FCER1A: variants seen among roughly 807,000 people sequenced by gnomAD.
FCER1A encodes Fc epsilon receptor Ia.
In FCER1A, 24 loss-of-function variants were observed where a neutral mutation model predicts 23.6. The ratio of observed to expected loss-of-function variants is 1.02; its 90% CI spans 0.74 to 1.43. The LOEUF is 1.43. Ranked by LOEUF, FCER1A falls within the 40% of genes most tolerant of loss-of-function variation. FCER1A has a pLI of 0.00. For missense variants in FCER1A, 318 were observed against 294.5 expected, an observed-to-expected ratio of 1.08 and a Z score of -0.58; for synonymous variants, 121 against 108.8, an observed-to-expected ratio of 1.11 and a Z score of -0.70.
At chr1:159,307,611 G>A (rs896349320) in intron 4 of FCER1A, 137 bp from the exon 5 acceptor site, 8 of 616,248 alleles carry the variant, frequency 1.3e-5, no homozygotes, top group Middle Eastern at 5.9e-4. Flanking sequence ...TGTTTTCTCT[G>A]TGCTTCTGGA....
intron 1 of FCER1A, among the ~76,000 whole-genome samples, chr1:159,295,496 A>T (rs990852936): frequency 6.6e-6 from 1 of 152,200 alleles, no homozygotes; most frequent in Non-Finnish European, 1.5e-5. Flanking sequence ...TCTAATTAAA[A>T]AACTTACAAA....
chr1:159,296,034 G>A (rs1440833033), intron 1 of FCER1A, among the ~76,000 whole-genome samples: 3 of 152,134 alleles, frequency 2.0e-5, no homozygotes, highest in Non-Finnish European at 4.4e-5. Context: ...CAAATAACAT[G>A]TAATAACAAT....
At chr1:159,307,100 A>C (rs778494243) in intron 4 of FCER1A, among the ~76,000 whole-genome samples, 8 of 152,104 alleles carry the variant, frequency 5.3e-5, no homozygotes, top group Non-Finnish European at 8.8e-5. Flanking sequence ...TGAGATTCTG[A>C]TTTAATTGGT....
chr1:159,290,559 C>T lies in FCER1A; in HGVS notation c.-60+806C>T, dbSNP rs577747138. 2.6e-5 allele frequency among the ~76,000 whole-genome samples: 4 copies of T among 152,210 alleles called. No individual in the cohort carries two copies. The East Asian group carries it at 7.7e-4, about 29-fold the overall frequency. On this transcript the variant is annotated intron_variant, in intron 1 of 5. Coordinates refer to the FCER1A transcript ENST00000368115. ...AGTGCTGGAGCACCTTGTTGAATGCCTTTCTTCCTCATGTTTAAGATCCCT... is the reference window on the plus strand; with the variant it reads ...AGTGCTGGAGCACCTTGTTGAATGCTTTTCTTCCTCATGTTTAAGATCCCT...
In FCER1A at chr1:159,307,858, T is replaced by A. The variant is rs1326423049; in HGVS notation, c.700T>A (p.Leu234Met). 8.1e-6 allele frequency: 13 copies of A among 1,613,652 alleles called. No individual in the cohort carries two copies. The highest frequency in any genetic ancestry group is 1.1e-5 in the Non-Finnish European group (13 of 1,179,732). ...AACTCAGCAGCAGGTCACATTTCTCTTGAAGATTAAGAGAACCAGGAAAGG... is the reference window on the plus strand; with the variant it reads ...AACTCAGCAGCAGGTCACATTTCTCATGAAGATTAAGAGAACCAGGAAAGG... ...ISTQQQVTFLLKIKRTRKGFR... is the reference protein window; with the variant it reads ...ISTQQQVTFLMKIKRTRKGFR... The change falls in exon 5 of 5, where the codon TTG (leucine) becomes ATG (methionine). Residue 234 changes from leucine to methionine, a missense_variant. Coordinates refer to ENST00000693622, the MANE Select transcript of FCER1A (RefSeq NM_001387280.1).
At chr1:159,304,794 A>G (rs1016689918) in intron 3 of FCER1A, among the ~76,000 whole-genome samples, 20 of 152,202 alleles carry the variant, frequency 1.3e-4, no homozygotes, top group African/African-American at 4.8e-4. Flanking sequence ...CATGACATAT[A>G]TGTGAACATT....
chr1:159,305,852 C>T lies in FCER1A; in HGVS notation c.332-136C>T, dbSNP rs1025304069. 5 of 755,214 alleles carry T rather than the reference C, an allele frequency of 6.6e-6. No individual in the cohort carries two copies. The South Asian group carries it at 7.6e-5, about 11-fold the overall frequency. 46.8% of individuals were successfully genotyped at this position (755,214 alleles called of 1,614,324 possible). On this transcript the variant is annotated intron_variant, in intron 3 of 4. Coordinates refer to ENST00000693622, the MANE Select transcript of FCER1A (RefSeq NM_001387280.1). ...CATTATTTTGTGCCCTTTAAAAATC[C>T]ACTTTATGAGCCAAAAAGTGAGTTA...
the FCER1A span, among the ~76,000 whole-genome samples, chr1:159,283,885 T>C: frequency 6.6e-6 from 1 of 152,174 alleles, no homozygotes; most frequent in African/African-American, 2.4e-5. Flanking sequence ...AATTCCTCCA[T>C]GCTACTAAGA....
chr1:159,283,729 G>A, the FCER1A span, among the ~76,000 whole-genome samples: 3 of 152,084 alleles, frequency 2.0e-5, no homozygotes, highest in African/African-American at 7.2e-5. Flanking sequence ...CTGAGGCTTG[G>A]GACATTGGCT....
Position 159,307,943 on chromosome 1 carries a change from C to T in FCER1A, c.*11C>T, listed in dbSNP as rs760662246. The T allele has an allele frequency of 6.4e-7, 1 of 1,568,260 alleles. No individual in the cohort carries two copies. Among genetic ancestry groups the T allele is most frequent in the Non-Finnish European group, 8.7e-7 (1 of 1,149,052 alleles). ...CCCAAAAACAACTGATATAATTACT[C>T]AAGAAATATTTGCAACATTAGTTTT... On this transcript the variant is annotated 3_prime_UTR_variant, in exon 5 of 5. Coordinates refer to ENST00000693622, the MANE Select transcript of FCER1A (RefSeq NM_001387280.1).
intron 1 of FCER1A, among the ~76,000 whole-genome samples, chr1:159,292,942 C>T (rs1164141355): frequency 6.6e-6 from 1 of 151,756 alleles, no homozygotes. Flanking sequence ...ATGTGAATCT[C>T]GGTGCCACCT....
chr1:159,306,340 C>G, intron 4 of FCER1A, 95 bp downstream of exon 4: 2 of 1,172,244 alleles, frequency 1.7e-6, no homozygotes, highest in Admixed American at 2.3e-5. Context: ...AGGGGGGCAC[C>G]TGTGATACAC....
intron 1 of FCER1A, among the ~76,000 whole-genome samples, chr1:159,294,434 C>G (rs1395984869): frequency 6.6e-6 from 1 of 152,152 alleles, no homozygotes; most frequent in Non-Finnish European, 1.5e-5. Context: ...TACTTTAAGT[C>G]TCTACTTAAA....
rs541771617 is a variant in FCER1A, at chr1:159,293,624, A to G, written c.-60+3871A>G. Among the ~76,000 whole-genome samples, 4 of 137,590 alleles carry G rather than the reference A, an allele frequency of 2.9e-5. No homozygotes were observed. The East Asian group carries it at 6.8e-4, about 23-fold the overall frequency. The allele number at this position is 137,590 out of a possible 152,430, so 90.3% of individuals were successfully genotyped here. A position where few individuals can be genotyped will look rare whatever the true frequency, so the allele number is the denominator to read the frequency against. On this transcript the variant is annotated intron_variant, in intron 1 of 5. Coordinates refer to the FCER1A transcript ENST00000368115. Reference sequence around the variant, plus strand: ...TGTTCTCATTGTTCAATTCCCATCTATGAGTGAGAATATGCGGTGTTTGGT... The same window carrying G: ...TGTTCTCATTGTTCAATTCCCATCTGTGAGTGAGAATATGCGGTGTTTGGT...
Position 159,303,579 on chromosome 1 carries a change from A to G in FCER1A, c.77-349A>G, listed in dbSNP as rs557852542. 2.6e-5 allele frequency among the ~76,000 whole-genome samples: 4 copies of G among 152,348 alleles called. No individual in the cohort carries two copies. The South Asian group carries it at 8.3e-4, about 32-fold the overall frequency. The stretch of plus-strand genomic sequence containing the variant: ...TAATGTAACAATGGTTGAACATGGC[A>G]GACAGTGTTTCTACCTCAAAAGAGA... On this transcript the variant is annotated intron_variant, in intron 2 of 4. Coordinates refer to ENST00000693622, the MANE Select transcript of FCER1A (RefSeq NM_001387280.1).
intron 1 of FCER1A, among the ~76,000 whole-genome samples, chr1:159,295,344 C>T (rs2102220550): frequency 6.6e-6 from 1 of 152,004 alleles, no homozygotes; most frequent in African/African-American, 2.4e-5. Flanking sequence ...TTGTCGGTCA[C>T]TAGATGCAGT....
At chr1:159,295,217 A>G (rs1189743703) in intron 1 of FCER1A, among the ~76,000 whole-genome samples, 2 of 152,146 alleles carry the variant, frequency 1.3e-5, no homozygotes, top group Non-Finnish European at 2.9e-5. Context: ...TATGATAAAG[A>G]GGGTTGTTCT....
chr1:159,284,949 G>A (rs972537431), upstream of FCER1A, among the ~76,000 whole-genome samples: 6 of 152,140 alleles, frequency 3.9e-5, no homozygotes, highest in Non-Finnish European at 7.4e-5. Flanking sequence ...TGGTTTGTTT[G>A]GATCAAGATT....
upstream of FCER1A, among the ~76,000 whole-genome samples, chr1:159,298,226 C>T (rs575362916): frequency 6.6e-6 from 1 of 152,254 alleles, no homozygotes; most frequent in Admixed American, 6.5e-5. Flanking sequence ...CACACCTATG[C>T]ACTATAAAAG....
Sources: gnomAD v4.1 joint callset for allele counts (sites outside exome capture counted in the v4.1 genomes callset) on GRCh38, gnomAD v4.1.1 for gene constraint, MANE v1.5 for transcripts, NCBI Gene and HGNC (gene_info 2026-07-23, HGNC 2026-07-21) for gene names.